Variants in OR4E2 observed in about 807,000 individuals in gnomAD.
OR4E2 encodes the protein olfactory receptor 4E2.
Under a neutral mutation model 11.0 loss-of-function variants are expected in OR4E2, and 9 were observed. That is an observed-to-expected ratio of 0.82 (90% confidence interval 0.49 to 1.43). The LOEUF is 1.43. OR4E2 is among the 40% of genes most tolerant of loss of function. The pLI is 0.00. For synonymous variants in OR4E2, 159 were observed against 147.3 expected, an observed-to-expected ratio of 1.08 and a Z score of -0.57; for missense variants, 441 against 382.0, an observed-to-expected ratio of 1.15 and a Z score of -1.29.
Position 21,665,674 on chromosome 14 carries a change from C to T in OR4E2, c.592C>T (p.Leu198=), listed in dbSNP as rs1286649302. 2 of 1,614,154 alleles carry T rather than the reference C, an allele frequency of 1.2e-6. No individual in the cohort carries two copies. The highest frequency in any genetic ancestry group is 1.1e-5 in the South Asian group (1 of 91,078). ...CACAGATACATACCTCACAGGAATA[C>T]TGATTGTGACCAATAGTGGAACCAT... ...ACTDTYLTGI[L]IVTNSGTISL... Residue 198 remains leucine (L), a synonymous_variant, in exon 4 of 4, where the codon CTG becomes TTG. Transcript: ENST00000641524.
intron 2 of OR4E2, among the ~76,000 whole-genome samples, chr14:21,657,023 A>G (rs1040085723): frequency 6.6e-6 from 1 of 152,234 alleles, no homozygotes; most frequent in African/African-American, 2.4e-5. Flanking sequence ...AATACCTAGA[A>G]CAGTGCCTGG....
chr14:21,665,786 A>C lies in OR4E2; in HGVS notation c.704A>C (p.Lys235Thr). The C allele has an allele frequency of 6.2e-7, 1 of 1,613,922 alleles. No individual in the cohort carries two copies. Among genetic ancestry groups the C allele is most frequent in the Non-Finnish European group, 8.5e-7 (1 of 1,179,916 alleles). ...AAACACTCAGCTGAAGGGCGCCGGA[A>C]AGCCCTGTCTACCTGCTCGGCCCAC... ...LRKHSAEGRR[K>T]ALSTCSAHFM... The change falls in exon 4 of 4, where the codon AAA (lysine) becomes ACA (threonine). Residue 235 changes from lysine (K) to threonine (T), a missense_variant. Physicochemically the swap from Lys to Thr is moderately conservative, Grantham distance 78 (BLOSUM62 -1). Transcript: ENST00000641524.
chr14:21,666,335 G>T lies in OR4E2; in HGVS notation c.*311G>T, dbSNP rs573803093. The T allele has an allele frequency of 3.6e-6, 1 of 275,710 alleles. No individual in the cohort carries two copies. Among genetic ancestry groups the T allele is most frequent in the African/African-American group, 2.3e-5 (1 of 43,598 alleles). The allele number at this position is 275,710 out of a possible 1,614,324, so 17.1% of individuals were successfully genotyped here. ...GAACTCAGTTCAGTCTCAGTTTCAGGAGCAGGTAGAGTGAGAATTGACTCT... is the reference window on the plus strand; with the variant it reads ...GAACTCAGTTCAGTCTCAGTTTCAGTAGCAGGTAGAGTGAGAATTGACTCT... On this transcript the variant is annotated 3_prime_UTR_variant, in exon 4 of 4. Coordinates refer to ENST00000641524, the MANE Select transcript of OR4E2 (RefSeq NM_001001912.3).
chr14:21,662,514 C>T (rs994808666), intron 3 of OR4E2, among the ~76,000 whole-genome samples: 3 of 152,100 alleles, frequency 2.0e-5, no homozygotes, highest in Admixed American at 2.0e-4. Flanking sequence ...ATTGGTCTGG[C>T]TGGTCTTGAA....
chr14:21,665,245 C>A lies in OR4E2; in HGVS notation c.163C>A (p.Leu55Ile). 1.2e-6 allele frequency: 2 copies of A among 1,614,064 alleles called. No homozygotes were observed. Among genetic ancestry groups the A allele is most frequent in the Non-Finnish European group, 1.7e-6 (2 of 1,179,968 alleles). ...CATTGCCACAGTCTTTACTCCAAGT[C>A]TCCATACCCCCATGTATTTCTTCCT... is the stretch of plus-strand genomic sequence containing the variant. ...IIIATVFTPS[L>I]HTPMYFFLSN... Residue 55 changes from leucine to isoleucine, a missense_variant, in exon 4 of 4, where the codon CTC becomes ATC. Leu to Ile is a conservative substitution (Grantham distance 5, BLOSUM62 2). Coordinates refer to ENST00000641524, the MANE Select transcript of OR4E2 (RefSeq NM_001001912.3).
rs933865424 is a variant in OR4E2 at position 21,666,197 on chromosome 14, A to T, written c.*173A>T. ...TTCTGTTCATTAAAGATAAGAACTT[A>T]TTAACTATTATTTAAATAAAGCAAA... On this transcript the variant is annotated 3_prime_UTR_variant, in exon 4 of 4. Transcript: ENST00000641524. The T allele has an allele frequency of 4.0e-6, 2 of 500,472 alleles. No individual in the cohort carries two copies. Among genetic ancestry groups the T allele is most frequent in the Non-Finnish European group, 7.0e-6 (2 of 285,746 alleles). 31.0% of individuals were successfully genotyped at this position (500,472 alleles called of 1,614,324 possible).
In OR4E2 at chr14:21,665,677, A is replaced by T; in HGVS notation, c.595A>T (p.Ile199Phe). Residue 199 changes from isoleucine to phenylalanine, a missense_variant, in exon 4 of 4, where the codon ATT becomes TTT. Coordinates refer to ENST00000641524, the MANE Select transcript of OR4E2 (RefSeq NM_001001912.3). ...AGATACATACCTCACAGGAATACTG[A>T]TTGTGACCAATAGTGGAACCATCTC... ...CTDTYLTGIL[I>F]VTNSGTISLS... 6.2e-7 allele frequency: 1 copy of T among 1,614,108 alleles called. No homozygotes were observed. Among genetic ancestry groups the T allele is most frequent in the African/African-American group, 1.3e-5 (1 of 75,024 alleles).
At chr14:21,661,659 C>T (rs941843870) in intron 3 of OR4E2, among the ~76,000 whole-genome samples, 1 of 152,192 alleles carries the variant, frequency 6.6e-6, no homozygotes, top group Non-Finnish European at 1.5e-5. Flanking sequence ...TAATGTGCAG[C>T]CACATTGAGA....
chr14:21,662,353 C>T (rs1880376331), intron 3 of OR4E2, among the ~76,000 whole-genome samples: 1 of 151,906 alleles, frequency 6.6e-6, no homozygotes, highest in Non-Finnish European at 1.5e-5. Flanking sequence ...CTTGAGTGCA[C>T]TGGTGCAATC....
At chr14:21,661,174 C>T (rs1230770275) in intron 3 of OR4E2, among the ~76,000 whole-genome samples, 3 of 151,978 alleles carry the variant, frequency 2.0e-5, no homozygotes, top group Non-Finnish European at 2.9e-5. Flanking sequence ...CCTTCAATTC[C>T]ATACTTCTAG....
rs1181414803 is a variant in OR4E2, at chr14:21,666,067, T to C, written c.*43T>C. On this transcript the variant is annotated 3_prime_UTR_variant, in exon 4 of 4. Coordinates refer to ENST00000641524, the MANE Select transcript of OR4E2 (RefSeq NM_001001912.3). ...GACATAATTGCAGCCACATCCTTAA[T>C]GAAAGAGCAAAAGTAAAGAGTCAAA... 4.3e-6 allele frequency: 6 copies of C among 1,405,784 alleles called. No homozygotes were observed. The highest frequency in any genetic ancestry group is 2.9e-5 in the African/African-American group (2 of 69,850). The allele number at this position is 1,405,784 out of a possible 1,614,324, so 87.1% of individuals were successfully genotyped here.
intron 1 of OR4E2, among the ~76,000 whole-genome samples, chr14:21,655,967 A>C (rs1275629709): frequency 6.6e-6 from 1 of 152,000 alleles, no homozygotes; most frequent in Non-Finnish European, 1.5e-5. Context: ...ATTAAAAAAA[A>C]CCAAGGACCA....
At position 21,667,486 on chromosome 14, in the gene OR4E2, A is replaced by C. The variant is rs1880706609; in HGVS notation, c.*1462A>C. Reference sequence around the variant, plus strand: ...ATGCTCATGAAAATATCTAAATATCATTACTTCAAGTTGACAAACAAGGGT... The same window carrying C: ...ATGCTCATGAAAATATCTAAATATCCTTACTTCAAGTTGACAAACAAGGGT... On this transcript the variant is annotated 3_prime_UTR_variant, in exon 4 of 4. Coordinates refer to ENST00000641524, the MANE Select transcript of OR4E2 (RefSeq NM_001001912.3). The C allele has an allele frequency of 6.6e-6, 1 of 152,220 alleles. No individual in the cohort carries two copies. The highest frequency in any genetic ancestry group is 6.5e-5 in the Admixed American group (1 of 15,280). The allele number at this position is 152,220 out of a possible 1,614,324, so 9.4% of individuals were successfully genotyped here.
At chr14:21,658,722 A>T (rs1302345092) in intron 2 of OR4E2, among the ~76,000 whole-genome samples, 1 of 152,148 alleles carries the variant, frequency 6.6e-6, no homozygotes, top group African/African-American at 2.4e-5. Context: ...TACATTGTGG[A>T]GCTGCTGTGG....
intron 3 of OR4E2, among the ~76,000 whole-genome samples, chr14:21,662,112 T>C: frequency 7.0e-6 from 1 of 141,892 alleles, no homozygotes; most frequent in Non-Finnish European, 1.5e-5. Context: ...TTATTTGTCA[T>C]TTGAAGTTCT....
intron 3 of OR4E2, 54 bp downstream of exon 3, chr14:21,660,800 A>G (rs1880280567): frequency 6.6e-6 from 1 of 152,066 alleles, no homozygotes; most frequent in African/African-American, 2.4e-5. Flanking sequence ...TTCTCACTGT[A>G]ATGTTGAGAA....
chr14:21,665,088 C>T lies in OR4E2; in HGVS notation c.6C>T (p.Asp2=). ...TTCCCCCCTAAGCTCATTGAATGGACAGTCTAAACCAAACAAGAGTGACTG... is the reference window on the plus strand; with the variant it reads ...TTCCCCCCTAAGCTCATTGAATGGATAGTCTAAACCAAACAAGAGTGACTG... M[D]SLNQTRVTEF... is the part of the protein sequence containing the mutation. Residue 2 remains aspartate, a synonymous_variant, in exon 4 of 4, where the codon GAC becomes GAT. Coordinates refer to ENST00000641524, the MANE Select transcript of OR4E2 (RefSeq NM_001001912.3). 1 of 1,588,508 alleles carries T rather than the reference C, an allele frequency of 6.3e-7. No homozygotes were observed. Among genetic ancestry groups the T allele is most frequent in the Non-Finnish European group, 8.6e-7 (1 of 1,162,860 alleles).
At chr14:21,657,494 TCCTTCCTTCC>T in intron 2 of OR4E2, among the ~76,000 whole-genome samples, 1 of 124,714 alleles carries the variant, frequency 8.0e-6, no homozygotes, top group African/African-American at 3.0e-5. Context: ...CTTCCTTCCT[TCCTTCCTTCC>T]TTCTTTCTTT....
At chr14:21,653,965 C>A (rs1879787779) in intron 1 of OR4E2, 26 bp downstream of exon 1, 1 of 152,156 alleles carries the variant, frequency 6.6e-6, no homozygotes, top group Non-Finnish European at 1.5e-5. Flanking sequence ...ATATTGAGAA[C>A]ATTTATTTTA....
Sources: allele counts gnomAD v4.1 joint callset (sites outside exome capture counted in the v4.1 genomes callset), GRCh38; gene constraint gnomAD v4.1.1; transcripts MANE v1.5; gene names NCBI Gene and HGNC (gene_info 2026-07-23, HGNC 2026-07-21).